WASHC3: variants seen among roughly 807,000 people sequenced by gnomAD.
WASHC3 encodes the protein WASH complex subunit 3, also known as WASH complex subunit CCDC53.
A neutral mutation model predicts 26.1 loss-of-function variants in WASHC3; 24 were observed. That is an observed-to-expected ratio of 0.92 (90% CI 0.66 to 1.29). The LOEUF (loss-of-function observed/expected upper bound fraction) is 1.29. Among genes scored for constraint, WASHC3 ranks in the 50% most tolerant of loss-of-function variants. The probability of loss-of-function intolerance (pLI) is 0.00; values close to 1 mark genes in which losing one functional copy is unlikely to be tolerated. For synonymous variants in WASHC3, 77 were observed against 75.7 expected (o/e 1.02, Z -0.09); for missense variants, 214 against 229.6 (o/e 0.93, Z 0.44).
rs970948823 is a variant in WASHC3 at position 102,016,947 on chromosome 12, T to C, written c.501-3755A>G. On this transcript the variant is annotated intron_variant, in intron 6 of 6. Transcript: ENST00000240079. Reference sequence around the variant, plus strand: ...TTTTAAAAATAAATTTAGTGTAGTCTAAGTGTACAGTGTTTATGAAATTTA... The same window carrying C: ...TTTTAAAAATAAATTTAGTGTAGTCCAAGTGTACAGTGTTTATGAAATTTA... Among the ~76,000 whole-genome samples, 9 of 152,334 alleles carry C rather than the reference T, an allele frequency of 5.9e-5. 1 individual carries two copies. The highest frequency in any genetic ancestry group is 1.7e-4 in the African/African-American group (7 of 41,564).
chr12:102,026,318 CTCT>C (rs1877185680), intron 5 of WASHC3, among the ~76,000 whole-genome samples: 1 of 152,122 alleles, frequency 6.6e-6, no homozygotes, highest in Admixed American at 6.5e-5. Context: ...CATATTCTCA[CTCT>C]TCTTATATCA....
At chr12:102,054,528 A>G (rs1480366951) in intron 2 of WASHC3, among the ~76,000 whole-genome samples, 1 of 152,236 alleles carries the variant, frequency 6.6e-6, no homozygotes, top group Non-Finnish European at 1.5e-5. Flanking sequence ...CACCATGGAC[A>G]TATCATCCAG....
intron 2 of WASHC3, among the ~76,000 whole-genome samples, chr12:102,047,671 G>A (rs566493458): frequency 2.0e-5 from 3 of 152,170 alleles, no homozygotes; most frequent in African/African-American, 7.2e-5. Context: ...TATGTAAAGT[G>A]AATGAGAATT....
At chr12:102,029,426 G>A (rs1413152425) in intron 5 of WASHC3, among the ~76,000 whole-genome samples, 1 of 152,176 alleles carries the variant, frequency 6.6e-6, no homozygotes, top group Non-Finnish European at 1.5e-5. Flanking sequence ...GAGAAAGTGT[G>A]TAAAGAAGCC....
intron 2 of WASHC3, among the ~76,000 whole-genome samples, chr12:102,051,617 T>C (rs1878397010): frequency 1.3e-5 from 2 of 152,178 alleles, no homozygotes; most frequent in Non-Finnish European, 1.5e-5. Context: ...AAGAAAGCAA[T>C]GAGATATTGA....
At chr12:102,018,605 TGG>T (rs1472876574) in intron 6 of WASHC3, among the ~76,000 whole-genome samples, 1 of 151,866 alleles carries the variant, frequency 6.6e-6, no homozygotes. Flanking sequence ...CCCAAGTACT[TGG>T]GACTGCAGAT....
At position 102,060,381 on chromosome 12, in the gene WASHC3, G is replaced by A. The variant is rs73382874; in HGVS notation, c.150+867C>T. ...TCTTGTCTCAAATTCCCGGGCGCAA[G>A]TGATCCTCCTGCCTCTGCCTCCCGA... On this transcript the variant is annotated intron_variant, in intron 2 of 6. Coordinates refer to ENST00000240079, the MANE Select transcript of WASHC3 (RefSeq NM_016053.4). Among the ~76,000 whole-genome samples, 512 of 152,304 alleles carry A rather than the reference G, an allele frequency of 3.4e-3. 2 individuals carry two copies. Among genetic ancestry groups the A allele is most frequent in the African/African-American group, 0.011 (477 of 41,570 alleles).
chr12:102,014,455 A>G (rs1432771894), intron 6 of WASHC3, among the ~76,000 whole-genome samples: 2 of 152,176 alleles, frequency 1.3e-5, no homozygotes, highest in African/African-American at 4.8e-5. Flanking sequence ...GGACACTTAA[A>G]AATAAAACTC....
chr12:102,015,959 G>A (rs1050005092), intron 6 of WASHC3, among the ~76,000 whole-genome samples: 3 of 151,350 alleles, frequency 2.0e-5, no homozygotes, highest in African/African-American at 7.3e-5. Context: ...GTGTGATCTC[G>A]GCTCACTGAA....
At chr12:102,026,899 G>A (rs1877216830) in intron 5 of WASHC3, among the ~76,000 whole-genome samples, 1 of 152,104 alleles carries the variant, frequency 6.6e-6, no homozygotes, top group Non-Finnish European at 1.5e-5. Flanking sequence ...CAGGGTCATG[G>A]CATGGGACCC....
chr12:102,033,990 C>T (rs1877545189), intron 5 of WASHC3, among the ~76,000 whole-genome samples: 1 of 151,706 alleles, frequency 6.6e-6, no homozygotes, highest in African/African-American at 2.4e-5. Context: ...TGTTAGTCAC[C>T]CCTAAAGTTG....
chr12:102,040,721 T>C (rs1349416647), intron 4 of WASHC3, among the ~76,000 whole-genome samples: 1 of 152,082 alleles, frequency 6.6e-6, no homozygotes, highest in Non-Finnish European at 1.5e-5. Flanking sequence ...TACTGAAACT[T>C]GTGCATATGA....
intron 5 of WASHC3, among the ~76,000 whole-genome samples, chr12:102,032,048 A>G (rs1391829232): frequency 6.6e-6 from 1 of 152,184 alleles, no homozygotes; most frequent in Admixed American, 6.5e-5. Context: ...TCTAAAGAAC[A>G]TGCTACTTCA....
At position 102,046,128 on chromosome 12, in the gene WASHC3, GA is replaced by G. The variant is rs1283383853; in HGVS notation, c.151-10del. 3 of 1,524,626 alleles carry G rather than the reference GA, an allele frequency of 2.0e-6. No individual in the cohort carries two copies. The highest frequency in any genetic ancestry group is 1.4e-5 in the African/African-American group (1 of 72,958). The allele number at this position is 1,524,626 out of a possible 1,614,324, so 94.4% of individuals were successfully genotyped here. On this transcript the variant is annotated splice_polypyrimidine_tract_variant and intron_variant, in intron 2 of 6. Transcript: ENST00000240079. ...GAAAGGTCTGCCAGTTTCTGTAAAAGAAAAATTAGAGACATAAAGACTTTAA... is the reference window on the plus strand; with the variant it reads ...GAAAGGTCTGCCAGTTTCTGTAAAAGAAAATTAGAGACATAAAGACTTTAA...
intron 3 of WASHC3, 40 bp from the exon 4 acceptor site, chr12:102,044,252 C>T (rs1878063594): frequency 9.8e-7 from 1 of 1,024,992 alleles, no homozygotes; most frequent in Non-Finnish European, 1.5e-6. Context: ...GAAGATAGTA[C>T]TTGCATAAAT....
intron 2 of WASHC3, among the ~76,000 whole-genome samples, chr12:102,057,601 C>T (rs760499257): frequency 6.6e-6 from 1 of 151,376 alleles, no homozygotes; most frequent in East Asian, 1.9e-4. Context: ...ATACAAAAAT[C>T]AGTAGCATTT....
At chr12:102,017,884 A>G (rs1594346459) in intron 6 of WASHC3, 2 of 344,304 alleles carry the variant, frequency 5.8e-6, no homozygotes, top group Non-Finnish European at 1.1e-5. Flanking sequence ...GTACATTCAC[A>G]TTGTTGTACA....
intron 2 of WASHC3, among the ~76,000 whole-genome samples, chr12:102,055,957 C>T (rs1413837512): frequency 2.0e-5 from 3 of 152,300 alleles, no homozygotes. Flanking sequence ...ACTTAATCTT[C>T]GTTCACATAC....
intron 5 of WASHC3, among the ~76,000 whole-genome samples, chr12:102,029,299 T>A (rs1457454978): frequency 3.3e-5 from 5 of 152,206 alleles, no homozygotes; most frequent in African/African-American, 7.2e-5. Flanking sequence ...TCTACTGAAC[T>A]GTGGGATTTT....
Sources: gnomAD v4.1 joint callset for allele counts (sites outside exome capture counted in the v4.1 genomes callset) on GRCh38, gnomAD v4.1.1 for gene constraint, MANE v1.5 for transcripts, NCBI Gene and HGNC (gene_info 2026-07-23, HGNC 2026-07-21) for gene names.